The following TIGIT variants were observed in gnomAD, a reference collection of about 807,000 sequenced individuals.
The protein encoded by TIGIT is T-cell immunoreceptor with Ig and ITIM domains.
TIGIT carries 11 observed loss-of-function variants against 19.6 expected under a neutral mutation model. That is an observed-to-expected ratio of 0.56 (90% CI 0.35 to 0.93). The LOEUF is 0.93. Among genes scored for constraint, TIGIT ranks in the 40% least tolerant of loss-of-function variants. TIGIT has a pLI of 0.01. For missense variants in TIGIT, 295 were observed against 303.9 expected, an observed-to-expected ratio of 0.97 and a Z score of 0.22; for synonymous variants, 130 against 125.5, an observed-to-expected ratio of 1.04 and a Z score of -0.24.
chr3:114,299,572 C>G (rs1576138430), intron 2 of TIGIT, 25 bp from the exon 3 acceptor site: 2 of 1,559,878 alleles, frequency 1.3e-6, no homozygotes, highest in South Asian at 2.2e-5. Context: ...TTCTGCCACT[C>G]ATCTCTGTTT....
At chr3:114,307,808 T>C in intron 3 of TIGIT, 87 bp from the exon 4 acceptor site, 1 of 1,238,864 alleles carries the variant, frequency 8.1e-7, no homozygotes, top group Non-Finnish European at 1.2e-6. Flanking sequence ...TGCATGTGTG[T>C]AAGAAAGGAA....
chr3:114,308,221 G>GTGTA lies in TIGIT; in HGVS notation c.*93_*94insATGT. 1.2e-6 allele frequency: 1 copy of GTGTA among 839,022 alleles called. No homozygotes were observed. The highest frequency in any genetic ancestry group is 2.8e-4 in the Middle Eastern group (1 of 3,556). The allele number at this position is 839,022 out of a possible 1,614,324, so 52.0% of individuals were successfully genotyped here. On this transcript the variant is annotated 3_prime_UTR_variant, in exon 4 of 4. Transcript: ENST00000383671. The stretch of plus-strand genomic sequence containing the variant: ...GCTGTACTCTCCATCAGTGCTGCGT[G>GTGTA]TGTGTGTGTGTGTGTATGTGTGTGT...
intron 1 of TIGIT, among the ~76,000 whole-genome samples, chr3:114,294,825 C>T (rs986627089): frequency 1.3e-5 from 2 of 152,050 alleles, no homozygotes; most frequent in Non-Finnish European, 2.9e-5. Flanking sequence ...TCAGGCACTG[C>T]AAATGACAAT....
intron 3 of TIGIT, among the ~76,000 whole-genome samples, chr3:114,305,220 C>G (rs2078525204): frequency 6.6e-6 from 1 of 152,132 alleles, no homozygotes; most frequent in African/African-American, 2.4e-5. Context: ...GTCAGTGCAC[C>G]AGCTCATAGT....
chr3:114,307,836 G>T, intron 3 of TIGIT, 59 bp from the exon 4 acceptor site: 1 of 1,464,424 alleles, frequency 6.8e-7, no homozygotes, highest in Non-Finnish European at 9.5e-7. Flanking sequence ...ATGTCATATT[G>T]GGGATTAACT....
intron 2 of TIGIT, among the ~76,000 whole-genome samples, chr3:114,297,215 G>T (rs956690357): frequency 3.3e-5 from 5 of 152,108 alleles, no homozygotes; most frequent in African/African-American, 4.8e-5. Flanking sequence ...AAGAGTTGAG[G>T]CTCTGGAATT....
rs746613492 is a variant in TIGIT, at chr3:114,303,573, GTATATATATA to G, written c.498+3875_498+3884del. ...TATGTATATATATATACATATATAT[GTATATATATA>G]TATACATATATATGTATATATATAT... On this transcript the variant is annotated intron_variant, in intron 3 of 3. Transcript: ENST00000383671. 1.6e-3 allele frequency among the ~76,000 whole-genome samples: 75 copies of G among 46,664 alleles called. 4 individuals are homozygous for G. Among genetic ancestry groups the G allele is most frequent in the South Asian group, 0.015 (26 of 1,730 alleles). The allele number at this position is 46,664 out of a possible 152,430, so 30.6% of individuals were successfully genotyped here. A position where few individuals can be genotyped will look rare whatever the true frequency, so the allele number is the denominator to read the frequency against.
intron 2 of TIGIT, among the ~76,000 whole-genome samples, chr3:114,296,313 A>G (rs1439381805): frequency 6.6e-6 from 1 of 152,242 alleles, no homozygotes; most frequent in Non-Finnish European, 1.5e-5. Flanking sequence ...AGTAATTTAC[A>G]TTTGTGTGGT....
chr3:114,297,391 G>A (rs867512639), intron 2 of TIGIT, among the ~76,000 whole-genome samples: 1 of 152,154 alleles, frequency 6.6e-6, no homozygotes, highest in Non-Finnish European at 1.5e-5. Flanking sequence ...AACTTCATAA[G>A]GGCTAGTTTT....
At chr3:114,301,465 G>T (rs145789958) in intron 3 of TIGIT, among the ~76,000 whole-genome samples, 6 of 152,204 alleles carry the variant, frequency 3.9e-5, no homozygotes, top group African/African-American at 1.4e-4. Context: ...TTGAATAGAG[G>T]GGGGAGGTGA....
Position 114,299,664 on chromosome 3 carries a change from C to G in TIGIT, c.459C>G (p.Ile153Met). ...CCATGGCCGCGACGCTGGTGGTCAT[C>G]TGCACAGCAGTCATCGTGGTGGTCG... The part of the protein sequence containing the change: ...LGAMAATLVV[I>M]CTAVIVVVAL... The change falls in exon 3 of 4, where the codon ATC becomes ATG. Residue 153 changes from isoleucine (I) to methionine (M), a missense_variant. By Grantham distance (10) the Ile-to-Met change is conservative. Transcript: ENST00000383671. 1.2e-6 allele frequency: 2 copies of G among 1,613,308 alleles called. No homozygotes were observed. Among genetic ancestry groups the G allele is most frequent in the Non-Finnish European group, 8.5e-7 (1 of 1,179,938 alleles).
In TIGIT at chr3:114,309,553, C is replaced by T. The variant is rs1167563143; in HGVS notation, c.*1422C>T. 1 of 152,218 alleles carries T rather than the reference C, an allele frequency of 6.6e-6. No individual in the cohort carries two copies. The highest frequency in any genetic ancestry group is 2.4e-5 in the African/African-American group (1 of 41,468). 9.4% of individuals were successfully genotyped at this position (152,218 alleles called of 1,614,324 possible). ...TAGCAACAAGACAATTCAACTATTT[C>T]TCCTAGGATTTTTATTATTATTATT... On this transcript the variant is annotated 3_prime_UTR_variant, in exon 4 of 4. Transcript: ENST00000383671.
At chr3:114,299,015 C>G (rs114818936) in intron 2 of TIGIT, among the ~76,000 whole-genome samples, 3,382 of 152,288 alleles carry the variant, frequency 0.022, 56 homozygotes, top group Admixed American at 0.032. Context: ...TTCACTTATG[C>G]CACAAATATT....
chr3:114,295,702 G>A lies in TIGIT; in HGVS notation c.219G>A (p.Leu73=). The part of the protein sequence containing the change: ...DQLLAICNAD[L]GWHISPSFKD... The stretch of plus-strand genomic sequence containing the variant: ...TTCTGGCCATTTGTAATGCTGACTT[G>A]GGGTGGCACATCTCCCCATCCTTCA... Residue 73 remains leucine (L), a synonymous_variant, in exon 2 of 4, where the codon TTG becomes TTA. Coordinates refer to ENST00000383671, the MANE Select transcript of TIGIT (RefSeq NM_173799.4). 1.2e-6 allele frequency: 2 copies of A among 1,614,228 alleles called. No homozygotes were observed. Among genetic ancestry groups the A allele is most frequent in the Non-Finnish European group, 1.7e-6 (2 of 1,180,034 alleles).
chr3:114,307,870 C>T lies in TIGIT; in HGVS notation c.499-25C>T, dbSNP rs143299551. 98 of 1,596,384 alleles carry T rather than the reference C, an allele frequency of 6.1e-5. 1 individual carries two copies. In the East Asian group the frequency reaches 2.1e-3, roughly 35 times the overall value. ...CTGTTGAATAACATCCCCACATACT[C>T]ACTTTGTAGTTTGTTTGTTTTTAGA... is the stretch of plus-strand genomic sequence containing the variant. On this transcript the variant is annotated intron_variant, in intron 3 of 3. Coordinates refer to ENST00000383671, the MANE Select transcript of TIGIT (RefSeq NM_173799.4).
chr3:114,296,651 A>G (rs375882193), intron 2 of TIGIT, among the ~76,000 whole-genome samples: 2 of 152,264 alleles, frequency 1.3e-5, no homozygotes, highest in African/African-American at 2.4e-5. Context: ...TAAGTGCTGT[A>G]TAAGTGTTAA....
At chr3:114,303,914 G>A (rs1264102196) in intron 3 of TIGIT, among the ~76,000 whole-genome samples, 2 of 151,836 alleles carry the variant, frequency 1.3e-5, no homozygotes, top group Non-Finnish European at 2.9e-5. Context: ...CCACATCCAT[G>A]CCAACATGGG....
At chr3:114,305,096 T>C (rs749447920) in intron 3 of TIGIT, among the ~76,000 whole-genome samples, 13 of 152,198 alleles carry the variant, frequency 8.5e-5, no homozygotes, top group African/African-American at 2.9e-4. Context: ...AGTCCATCGG[T>C]GCAATTTAGC....
intron 2 of TIGIT, among the ~76,000 whole-genome samples, chr3:114,299,207 G>A (rs1262185227): frequency 4.0e-5 from 6 of 151,766 alleles, no homozygotes; most frequent in Admixed American, 6.6e-5. Flanking sequence ...TTTTAATTTT[G>A]AATTAAATAT....
Sources: allele counts gnomAD v4.1 joint callset (sites outside exome capture counted in the v4.1 genomes callset), GRCh38; gene constraint gnomAD v4.1.1; transcripts MANE v1.5; gene names NCBI Gene and HGNC (gene_info 2026-07-23, HGNC 2026-07-21).